Variants in C5orf22 observed in about 807,000 individuals in gnomAD.
C5orf22 encodes chromosome 5 open reading frame 22, also known as UPF0489 protein C5orf22.
C5orf22 carries 36 observed loss-of-function variants against 48.7 expected under a neutral mutation model. That is an observed-to-expected ratio of 0.74 (90% CI 0.57 to 0.98). The LOEUF (loss-of-function observed/expected upper bound fraction) is 0.98. C5orf22 is among the 50% of genes least tolerant of loss of function. The pLI, the probability that C5orf22 is intolerant of heterozygous loss-of-function variation, is 0.00. For synonymous variants in C5orf22, 141 were observed against 180.8 expected, an observed-to-expected ratio of 0.78 and a Z score of 1.76; for missense variants, 486 against 521.9, an observed-to-expected ratio of 0.93 and a Z score of 0.67.
intron 7 of C5orf22, among the ~76,000 whole-genome samples, chr5:31,546,031 C>G (rs998410979): frequency 6.6e-6 from 1 of 152,054 alleles, no homozygotes; most frequent in African/African-American, 2.4e-5. Flanking sequence ...CTAAAATGGT[C>G]CATTTTTTAT....
intron 8 of C5orf22, 107 bp from the exon 9 acceptor site, chr5:31,552,666 C>T (rs1277247100): frequency 2.6e-5 from 25 of 955,546 alleles, no homozygotes; most frequent in Non-Finnish European, 9.4e-6. Flanking sequence ...CAAAGTTCAG[C>T]ACACCTTAAT....
chr5:31,534,249 T>C lies in C5orf22; in HGVS notation c.82-23T>C, dbSNP rs75374942. On this transcript the variant is annotated intron_variant, in intron 1 of 8. Transcript: ENST00000325366. ...CTCATGGTTTCAGTGTTAATTCTTA[T>C]TGTGTGCCTGTGTCTTTTACAGGTT... 6.9e-6 allele frequency: 11 copies of C among 1,597,888 alleles called. No individual in the cohort carries two copies. The African/African-American group carries it at 9.4e-5, about 14-fold the overall frequency.
At chr5:31,538,027 A>C in intron 3 of C5orf22, 1 of 426,856 alleles carries the variant, frequency 2.3e-6, no homozygotes, top group South Asian at 4.1e-5. Flanking sequence ...ATTTAATCAC[A>C]TGGCCACACC....
At chr5:31,548,591 A>T (rs1003557293) in intron 7 of C5orf22, 6 of 451,288 alleles carry the variant, frequency 1.3e-5, no homozygotes, top group Non-Finnish European at 2.7e-5. Flanking sequence ...ACAAGTCTCT[A>T]GGAAGTTCCA....
At chr5:31,552,748 T>G (rs1455265393) in intron 8 of C5orf22, 25 bp from the exon 9 acceptor site, 2 of 1,605,934 alleles carry the variant, frequency 1.2e-6, no homozygotes, top group Non-Finnish European at 1.7e-6. Context: ...TGTATTTTTC[T>G]TCTTTCTCTT....
chr5:31,539,961 G>A (rs948183680), intron 4 of C5orf22, among the ~76,000 whole-genome samples: 1 of 152,062 alleles, frequency 6.6e-6, no homozygotes, highest in African/African-American at 2.4e-5. Context: ...TGAGATGGGA[G>A]GATCACTTGA....
intron 6 of C5orf22, among the ~76,000 whole-genome samples, chr5:31,544,974 A>ATTTTTTTTT (rs11335471): frequency 7.0e-6 from 1 of 142,566 alleles, no homozygotes; most frequent in African/African-American, 2.6e-5. Context: ...CGTGTCCTTA[A>ATTTTTTTTT]TTTTTTTTTT....
chr5:31,534,214 T>G, intron 1 of C5orf22, 58 bp from the exon 2 acceptor site: 2 of 1,411,638 alleles, frequency 1.4e-6, no homozygotes, highest in Non-Finnish European at 2.0e-6. Context: ...AGTCTGCAGT[T>G]GAGTGTGTGC....
At chr5:31,533,108 C>T (rs878856800) in intron 1 of C5orf22, among the ~76,000 whole-genome samples, 2 of 152,078 alleles carry the variant, frequency 1.3e-5, no homozygotes, top group African/African-American at 2.4e-5. Context: ...GCACGCATCA[C>T]CGTACCCAGC....
At chr5:31,536,690 AAT>A (rs1161933249) in intron 3 of C5orf22, among the ~76,000 whole-genome samples, 1 of 152,206 alleles carries the variant, frequency 6.6e-6, no homozygotes, top group Non-Finnish European at 1.5e-5. Context: ...ATCTAAAGTA[AAT>A]TACAGTATCC....
rs1392320924 is a variant in C5orf22 at position 31,538,437 on chromosome 5, A to G, written c.555A>G (p.Glu185=). ...SSAKKPKLAL[E]DSENTASTNC... ...CTAAGAAACCAAAGCTAGCCCTGGAAGATTCGGAAAACACTGCCTCTACTA... is the reference window on the plus strand; with the variant it reads ...CTAAGAAACCAAAGCTAGCCCTGGAGGATTCGGAAAACACTGCCTCTACTA... Residue 185 remains glutamate, a synonymous_variant, in exon 4 of 9, where the codon GAA becomes GAG. Transcript: ENST00000325366. The G allele has an allele frequency of 1.2e-6, 2 of 1,614,096 alleles. No homozygotes were observed. Among genetic ancestry groups the G allele is most frequent in the Admixed American group, 1.7e-5 (1 of 60,010 alleles).
chr5:31,553,059 G>T lies in C5orf22; in HGVS notation c.*157G>T. ...AATCTCTGAACAACCATTGTCAGTTGTGAATGATGGTAAATTTTTTGGCAT... is the reference window on the plus strand; with the variant it reads ...AATCTCTGAACAACCATTGTCAGTTTTGAATGATGGTAAATTTTTTGGCAT... On this transcript the variant is annotated 3_prime_UTR_variant, in exon 9 of 9. Coordinates refer to ENST00000325366, the MANE Select transcript of C5orf22 (RefSeq NM_018356.3). 1 of 641,696 alleles carries T rather than the reference G, an allele frequency of 1.6e-6. No individual in the cohort carries two copies. The allele number at this position is 641,696 out of a possible 1,614,324, so 39.8% of individuals were successfully genotyped here.
chr5:31,551,945 G>A (rs971310959), intron 8 of C5orf22, among the ~76,000 whole-genome samples: 1 of 152,180 alleles, frequency 6.6e-6, no homozygotes, highest in Admixed American at 6.5e-5. Flanking sequence ...TTTATCAGTG[G>A]TCTTACAGAT....
At chr5:31,546,733 A>C (rs1742904815) in intron 7 of C5orf22, among the ~76,000 whole-genome samples, 1 of 152,112 alleles carries the variant, frequency 6.6e-6, no homozygotes, top group Non-Finnish European at 1.5e-5. Context: ...AGACTCATTC[A>C]CTATCATGAG....
Position 31,538,667 on chromosome 5 carries a change from C to T in C5orf22, c.785C>T (p.Pro262Leu). Reference sequence around the variant, plus strand: ...TTGGATTTTTTTTCAGTCAAGAATCCCTTCAAAGAAATGTTCACTCAGGTA... The same window carrying T: ...TTGGATTTTTTTTCAGTCAAGAATCTCTTCAAAGAAATGTTCACTCAGGTA... ...IDLDFFSVKNPFKEMFTQEEY... is the reference protein window; with the variant it reads ...IDLDFFSVKNLFKEMFTQEEY... Residue 262 changes from proline to leucine, a missense_variant, in exon 4 of 9, where the codon CCC (proline) becomes CTC (leucine). Around this residue, in one of 3 missense-constraint regions of C5orf22, gnomAD observed 408 missense variants for 444.0 expected, o/e 0.92. Coordinates refer to ENST00000325366, the MANE Select transcript of C5orf22 (RefSeq NM_018356.3). 1 of 1,610,962 alleles carries T rather than the reference C, an allele frequency of 6.2e-7. No individual in the cohort carries two copies. Among genetic ancestry groups the T allele is most frequent in the Non-Finnish European group, 8.5e-7 (1 of 1,178,046 alleles).
Position 31,551,386 on chromosome 5 carries a change from T to C in C5orf22, c.1153T>C (p.Tyr385His). ...AGAGTGTCTTATTCAATCTGTGCAT[T>C]ATTTGCTGAAAAATTTACCAAATCC... ...EIECLIQSVH[Y>H]LLKNLPNPTL... is the part of the protein sequence containing the mutation. Residue 385 changes from tyrosine to histidine, a missense_variant, in exon 8 of 9, where the codon TAT (tyrosine) becomes CAT (histidine). Tyr to His is a moderately conservative substitution (Grantham distance 83). This residue lies in a region of C5orf22 where 408 missense variants were observed against 444.0 expected (regional missense o/e 0.92). Transcript: ENST00000325366. 6.2e-7 allele frequency: 1 copy of C among 1,613,484 alleles called. No homozygotes were observed. The highest frequency in any genetic ancestry group is 8.5e-7 in the Non-Finnish European group (1 of 1,179,850).
At position 31,552,808 on chromosome 5, in the gene C5orf22, T is replaced by C. The variant is rs1447939711; in HGVS notation, c.1235T>C (p.Val412Ala). Residue 412 changes from valine to alanine, a missense_variant, in exon 9 of 9, where the codon GTT becomes GCT. By Grantham distance (64) the Val-to-Ala change is moderately conservative (BLOSUM62 0). Coordinates refer to ENST00000325366, the MANE Select transcript of C5orf22 (RefSeq NM_018356.3). ...GATGATTACTGTCCTTCTGACCAAG[T>C]TGACACTATTCAAGAAAAGGTCCTC... is the stretch of plus-strand genomic sequence containing the variant. ...SLDDYCPSDQ[V>A]DTIQEKVLNM... 6.2e-7 allele frequency: 1 copy of C among 1,613,766 alleles called. No individual in the cohort carries two copies. Among genetic ancestry groups the C allele is most frequent in the Admixed American group, 1.7e-5 (1 of 60,030 alleles).
intron 7 of C5orf22, chr5:31,548,489 G>C: frequency 2.3e-6 from 1 of 432,386 alleles, no homozygotes. Flanking sequence ...CTTTGTTCCA[G>C]TTCCCAGCAA....
At chr5:31,539,034 C>T (rs1047317145) in intron 4 of C5orf22, among the ~76,000 whole-genome samples, 3 of 151,880 alleles carry the variant, frequency 2.0e-5, no homozygotes, top group Non-Finnish European at 4.4e-5. Context: ...CCTCTGTATC[C>T]GTGGGTTCTG....
Sources: allele counts gnomAD v4.1 joint callset (sites outside exome capture counted in the v4.1 genomes callset), GRCh38; gene constraint gnomAD v4.1.1; regional missense constraint gnomAD v4.1.1; transcripts MANE v1.5; gene names NCBI Gene and HGNC (gene_info 2026-07-23, HGNC 2026-07-21).